The following GPC5 variants were observed in gnomAD, a reference collection of about 807,000 sequenced individuals.
GPC5 encodes glypican 5, also known as glypican-5.
GPC5 carries 47 observed loss-of-function variants against 53.9 expected under a neutral mutation model. That is an observed-to-expected ratio of 0.87 (90% CI 0.69 to 1.11). The LOEUF (loss-of-function observed/expected upper bound fraction) is 1.11. Among genes scored for constraint, GPC5 ranks in the 50% most tolerant of loss-of-function variants. The probability of loss-of-function intolerance (pLI) is 0.00; values close to 1 mark genes in which losing one functional copy is unlikely to be tolerated. For synonymous variants in GPC5, 286 were observed against 263.3 expected (o/e 1.09, Z -0.84); for missense variants, 748 against 713.1 (o/e 1.05, Z -0.56).
intron 7 of GPC5, among the ~76,000 whole-genome samples, chr13:92,854,570 A>C (rs1878932973): frequency 6.6e-6 from 1 of 151,932 alleles, no homozygotes; most frequent in Non-Finnish European, 1.5e-5. Flanking sequence ...ATTTCACCTA[A>C]GAATTATTAT....
At chr13:91,434,157 T>C (rs1279426580) in intron 1 of GPC5, among the ~76,000 whole-genome samples, 5 of 152,240 alleles carry the variant, frequency 3.3e-5, no homozygotes, top group Admixed American at 3.3e-4. Flanking sequence ...AGGTTGCCTG[T>C]TCAGGCTGAT....
intron 7 of GPC5, among the ~76,000 whole-genome samples, chr13:92,388,625 A>G (rs1221197033): frequency 6.6e-6 from 1 of 152,146 alleles, no homozygotes; most frequent in African/African-American, 2.4e-5. Flanking sequence ...TATATCCGTA[A>G]GATGATACAG....
chr13:91,765,573 G>T (rs145646761), intron 5 of GPC5, among the ~76,000 whole-genome samples: 1 of 152,172 alleles, frequency 6.6e-6, no homozygotes, highest in Non-Finnish European at 1.5e-5. Flanking sequence ...TGAATGGAAC[G>T]CAAAGTTATA....
At chr13:91,834,329 T>C (rs2038698170) in intron 5 of GPC5, among the ~76,000 whole-genome samples, 1 of 152,116 alleles carries the variant, frequency 6.6e-6, no homozygotes, top group South Asian at 2.1e-4. Flanking sequence ...TCCAAAGTAA[T>C]TTATAGATTC....
At chr13:92,761,447 C>T (rs1075131) in intron 7 of GPC5, among the ~76,000 whole-genome samples, 9,707 of 152,152 alleles carry the variant, frequency 0.064, 819 homozygotes, top group East Asian at 0.37. Flanking sequence ...TGACCTGTTA[C>T]GTTTCTTGTG....
At chr13:92,350,151 A>C (rs1420202125) in intron 7 of GPC5, among the ~76,000 whole-genome samples, 1 of 152,192 alleles carries the variant, frequency 6.6e-6, no homozygotes, top group Non-Finnish European at 1.5e-5. Context: ...CTCTTATTAG[A>C]TGCAGAAAAA....
At chr13:91,602,164 T>C (rs892172103) in intron 2 of GPC5, among the ~76,000 whole-genome samples, 18 of 152,260 alleles carry the variant, frequency 1.2e-4, no homozygotes, top group Admixed American at 4.6e-4. Context: ...TCTTGAAATC[T>C]TTGTGTGTCC....
chr13:92,274,529 A>C (rs1291884479), intron 7 of GPC5, among the ~76,000 whole-genome samples: 1 of 152,052 alleles, frequency 6.6e-6, no homozygotes, highest in African/African-American at 2.4e-5. Flanking sequence ...TTGTGTCCCT[A>C]TGGTCTAGCC....
At chr13:91,891,138 A>G (rs1454421821) in intron 5 of GPC5, among the ~76,000 whole-genome samples, 1 of 152,216 alleles carries the variant, frequency 6.6e-6, no homozygotes, top group African/African-American at 2.4e-5. Flanking sequence ...AATCTGGTCT[A>G]TAGGTAGATA....
At chr13:92,028,871 C>T (rs1234957841) in intron 6 of GPC5, among the ~76,000 whole-genome samples, 1 of 152,136 alleles carries the variant, frequency 6.6e-6, no homozygotes, top group Non-Finnish European at 1.5e-5. Context: ...GGGAAGCTAT[C>T]AATGGAGCCA....
At chr13:92,072,958 A>C (rs2041224938) in intron 6 of GPC5, among the ~76,000 whole-genome samples, 1 of 152,148 alleles carries the variant, frequency 6.6e-6, no homozygotes, top group Admixed American at 6.6e-5. Flanking sequence ...CTACTATTAA[A>C]CTTAATAAAA....
At chr13:92,349,223 A>C (rs564275507) in intron 7 of GPC5, among the ~76,000 whole-genome samples, 1 of 152,290 alleles carries the variant, frequency 6.6e-6, no homozygotes, top group African/African-American at 2.4e-5. Context: ...GGCTCACTGC[A>C]ACCTCCACCT....
chr13:92,676,767 A>G (rs1210822914), intron 7 of GPC5, among the ~76,000 whole-genome samples: 1 of 152,200 alleles, frequency 6.6e-6, no homozygotes, highest in Non-Finnish European at 1.5e-5. Flanking sequence ...ACTATTTACT[A>G]AAGAATTATA....
chr13:92,016,365 CT>C (rs1388347962), intron 6 of GPC5, among the ~76,000 whole-genome samples: 3 of 152,220 alleles, frequency 2.0e-5, no homozygotes, highest in African/African-American at 7.2e-5. Flanking sequence ...AAATTGGAAG[CT>C]TTTCGGAATG....
intron 7 of GPC5, among the ~76,000 whole-genome samples, chr13:92,742,548 G>A (rs1396364764): frequency 2.0e-5 from 3 of 146,930 alleles, no homozygotes; most frequent in Non-Finnish European, 3.0e-5. Flanking sequence ...TCACTCTGAC[G>A]GTAGTTTCTT....
chr13:92,346,425 C>T, intron 7 of GPC5, among the ~76,000 whole-genome samples: 1 of 152,194 alleles, frequency 6.6e-6, no homozygotes, highest in Non-Finnish European at 1.5e-5. Context: ...CAGAACTCAG[C>T]TAGCAGCCCC....
chr13:91,776,514 T>TA (rs1443555048), intron 5 of GPC5, among the ~76,000 whole-genome samples: 1 of 152,184 alleles, frequency 6.6e-6, no homozygotes, highest in African/African-American at 2.4e-5. Flanking sequence ...GCAACTCTAT[T>TA]AAAGAGGTGT....
At chr13:92,159,098 G>A (rs73620872) in intron 7 of GPC5, among the ~76,000 whole-genome samples, 1,828 of 152,264 alleles carry the variant, frequency 0.012, 54 homozygotes, top group African/African-American at 0.041. Context: ...ACAGATCTGA[G>A]CCTCCTCTTC....
intron 7 of GPC5, among the ~76,000 whole-genome samples, chr13:92,385,081 G>T (rs549748937): frequency 6.6e-6 from 1 of 151,840 alleles, no homozygotes; most frequent in Admixed American, 6.6e-5. Flanking sequence ...CTGTAGAAGA[G>T]ATATGAAAAC....
Sources: gnomAD v4.1 joint callset for allele counts (sites outside exome capture counted in the v4.1 genomes callset) on GRCh38, gnomAD v4.1.1 for gene constraint, MANE v1.5 for transcripts, NCBI Gene and HGNC (gene_info 2026-07-23, HGNC 2026-07-21) for gene names.